The following CDC7 variants were observed in gnomAD, a reference collection of about 807,000 sequenced individuals.
CDC7 encodes the protein cell division cycle 7, also known as cell division cycle 7-related protein kinase.
In CDC7, 34 loss-of-function variants were observed where a neutral mutation model predicts 53.5. The ratio of observed to expected loss-of-function variants is 0.64; its 90% CI spans 0.48 to 0.85. The LOEUF is 0.85. Ranked by LOEUF, CDC7 falls within the 40% of genes least tolerant of loss-of-function variation. CDC7 has a pLI of 0.00. For missense variants in CDC7, 594 were observed against 679.7 expected (o/e 0.87, Z 1.40); for synonymous variants, 211 against 222.8 (o/e 0.95, Z 0.47).
intron 10 of CDC7, among the ~76,000 whole-genome samples, chr1:91,516,135 TCTTAC>T (rs1165634479): frequency 9.2e-5 from 14 of 152,064 alleles, no homozygotes; most frequent in Admixed American, 1.3e-4. Context: ...TACAAGATGA[TCTTAC>T]CATCTTGTAA....
chr1:91,501,793 G>T lies in CDC7; in HGVS notation c.77G>T (p.Gly26Val), dbSNP rs747527444. The stretch of plus-strand genomic sequence containing the variant: ...CAGCGTGACCGGTTTCAGGCTGAAG[G>T]CTCTTTAAAAAAAAACGAGCAGAAT... The part of the protein sequence containing the change: ...SPQRDRFQAE[G>V]SLKKNEQNFK... Residue 26 changes from glycine (G) to valine (V), a missense_variant, in exon 2 of 12, where the codon GGC becomes GTC. Gly to Val is a moderately radical substitution (Grantham distance 109). Transcript: ENST00000234626. 3.7e-5 allele frequency: 60 copies of T among 1,613,812 alleles called. No homozygotes were observed. The highest frequency in any genetic ancestry group is 5.0e-5 in the Non-Finnish European group (59 of 1,179,960).
chr1:91,508,026 T>C, intron 3 of CDC7, 89 bp downstream of exon 3: 1 of 1,138,854 alleles, frequency 8.8e-7, no homozygotes. Flanking sequence ...TTACTATTTC[T>C]TATTGAAAAA....
At chr1:91,510,629 C>G (rs1379146659) in intron 4 of CDC7, among the ~76,000 whole-genome samples, 3 of 152,150 alleles carry the variant, frequency 2.0e-5, no homozygotes, top group African/African-American at 7.2e-5. Flanking sequence ...AACTGTCTCC[C>G]TCTACCACTT....
At chr1:91,508,517 T>A in intron 4 of CDC7, 120 bp downstream of exon 4, 4 of 736,792 alleles carry the variant, frequency 5.4e-6, no homozygotes, top group South Asian at 2.2e-5. Context: ...GTCAAGTGTT[T>A]GCAATTTGCT....
intron 2 of CDC7, among the ~76,000 whole-genome samples, chr1:91,507,083 CAGTA>C (rs1557587805): frequency 3.3e-5 from 5 of 152,186 alleles, no homozygotes; most frequent in Non-Finnish European, 7.3e-5. Context: ...GCCAAGTTCA[CAGTA>C]CTGTTAGGAA....
intron 3 of CDC7, 118 bp downstream of exon 3, chr1:91,508,055 A>C: frequency 2.3e-6 from 2 of 888,886 alleles, no homozygotes; most frequent in South Asian, 4.0e-5. Context: ...TTTTTAGACT[A>C]TTAAGACCAT....
intron 10 of CDC7, among the ~76,000 whole-genome samples, chr1:91,519,691 T>G (rs1667818952): frequency 6.6e-6 from 1 of 152,228 alleles, no homozygotes; most frequent in Non-Finnish European, 1.5e-5. Flanking sequence ...AAGAAGAGCT[T>G]CTAATGTTCA....
At position 91,513,163 on chromosome 1, in the gene CDC7, C is replaced by A; in HGVS notation, c.678C>A (p.Asn226Lys). Reference sequence around the variant, plus strand: ...CTCAGCAGGAAAGGTGTTCACAAAACAAATCCCACATAATCACAGGAAACA... The same window carrying A: ...CTCAGCAGGAAAGGTGTTCACAAAAAAAATCCCACATAATCACAGGAAACA... ...SEAQQERCSQ[N>K]KSHIITGNKI... is the part of the protein sequence containing the mutation. Residue 226 changes from asparagine (N) to lysine (K), a missense_variant, in exon 7 of 12, where the codon AAC (asparagine) becomes AAA (lysine). Physicochemically the swap from Asn to Lys is moderately conservative, Grantham distance 94 (BLOSUM62 0). Transcript: ENST00000234626. 6.2e-7 allele frequency: 1 copy of A among 1,613,762 alleles called. No individual in the cohort carries two copies. The highest frequency in any genetic ancestry group is 1.1e-5 in the South Asian group (1 of 91,060).
At chr1:91,510,845 G>A (rs1428713678) in intron 4 of CDC7, among the ~76,000 whole-genome samples, 1 of 152,086 alleles carries the variant, frequency 6.6e-6, no homozygotes, top group Non-Finnish European at 1.5e-5. Context: ...TCCCTCAGTT[G>A]TTATTCTCTT....
At position 91,508,395 on chromosome 1, in the gene CDC7, T is replaced by C. The variant is rs1269881265; in HGVS notation, c.333T>C (p.Ala111=). 1 of 1,605,812 alleles carries C rather than the reference T, an allele frequency of 6.2e-7. No individual in the cohort carries two copies. Among genetic ancestry groups the C allele is most frequent in the Non-Finnish European group, 8.5e-7 (1 of 1,175,880 alleles). Residue 111 remains alanine (A), a splice_region_variant and synonymous_variant, in exon 4 of 12, where the codon GCT becomes GCC. Coordinates refer to ENST00000234626, the MANE Select transcript of CDC7 (RefSeq NM_003503.4). ...IAAELQCLTV[A]GGQDNVMGVK... is the part of the protein sequence containing the mutation. ...CTGAACTTCAGTGCCTAACAGTGGCTGGGTAGGCAATTTAAACATATTTTA... is the reference window on the plus strand; with the variant it reads ...CTGAACTTCAGTGCCTAACAGTGGCCGGGTAGGCAATTTAAACATATTTTA...
intron 10 of CDC7, among the ~76,000 whole-genome samples, chr1:91,518,356 T>C (rs957745176): frequency 6.6e-5 from 10 of 152,082 alleles, no homozygotes; most frequent in African/African-American, 2.4e-4. Context: ...AAAATAGAGC[T>C]ACTACATGAT....
chr1:91,510,788 T>C (rs1040704476), intron 4 of CDC7, among the ~76,000 whole-genome samples: 3 of 152,178 alleles, frequency 2.0e-5, no homozygotes, highest in African/African-American at 7.2e-5. Context: ...CTTAAATTGC[T>C]GTCTTAAAAA....
chr1:91,501,585 G>A (rs184001458), intron 1 of CDC7, 69 bp from the exon 2 acceptor site: 3 of 713,062 alleles, frequency 4.2e-6, no homozygotes, highest in Non-Finnish European at 2.5e-6. Flanking sequence ...CCTTTGGGGG[G>A]CAGTAGCATG....
intron 10 of CDC7, among the ~76,000 whole-genome samples, chr1:91,519,917 G>A (rs1641881675): frequency 6.6e-6 from 1 of 152,178 alleles, no homozygotes; most frequent in African/African-American, 2.4e-5. Context: ...CTCAGTCCTG[G>A]TTGTACATTA....
chr1:91,522,163 C>CA (rs577601722), intron 11 of CDC7, among the ~76,000 whole-genome samples: 4 of 151,568 alleles, frequency 2.6e-5, no homozygotes, highest in African/African-American at 9.7e-5. Flanking sequence ...GACTCTGTCT[C>CA]AAAAAAACAA....
At chr1:91,507,963 T>A in intron 3 of CDC7, 26 bp downstream of exon 3, 1 of 1,528,812 alleles carries the variant, frequency 6.5e-7, no homozygotes, top group Non-Finnish European at 8.8e-7. Flanking sequence ...GCTTTTACTA[T>A]TTTTACGAGG....
intron 10 of CDC7, among the ~76,000 whole-genome samples, chr1:91,518,119 T>G (rs1571334344): frequency 2.0e-3 from 82 of 41,656 alleles, no homozygotes; most frequent in Middle Eastern, 0.017. Context: ...AAAAAAAAGG[T>G]GATACAGTAG....
At chr1:91,520,080 A>G in intron 10 of CDC7, 50 bp from the exon 11 acceptor site, 1 of 1,434,086 alleles carries the variant, frequency 7.0e-7, no homozygotes. Flanking sequence ...GATTTAGATG[A>G]TAAAATTATA....
At chr1:91,515,154 A>G (rs929349276) in intron 9 of CDC7, among the ~76,000 whole-genome samples, 157 bp downstream of exon 9, 13 of 152,368 alleles carry the variant, frequency 8.5e-5, no homozygotes, top group African/African-American at 3.1e-4. Context: ...AGAGCAAATG[A>G]TAACAGTTTT....
Sources: gnomAD v4.1 joint callset for allele counts (sites outside exome capture counted in the v4.1 genomes callset) on GRCh38, gnomAD v4.1.1 for gene constraint, MANE v1.5 for transcripts, NCBI Gene and HGNC (gene_info 2026-07-23, HGNC 2026-07-21) for gene names.